Variants in YES1 observed in about 807,000 individuals in gnomAD.
YES1 encodes YES proto-oncogene 1, Src family tyrosine kinase.
Under a neutral mutation model 70.4 loss-of-function variants are expected in YES1, and 39 were observed. The observed-to-expected ratio is 0.55, with a 90% CI of 0.43 to 0.72. The LOEUF is 0.72. YES1 is among the 30% of genes least tolerant of loss of function. YES1 has a pLI of 0.00. For synonymous variants in YES1, 198 were observed against 218.6 expected (o/e 0.91, Z 0.83); for missense variants, 495 against 644.8 (o/e 0.77, Z 2.52).
At chr18:810,850 A>G (rs1277346342) in intron 1 of YES1, among the ~76,000 whole-genome samples, 1 of 152,172 alleles carries the variant, frequency 6.6e-6, no homozygotes, top group African/African-American at 2.4e-5. Context: ...ACAATATATG[A>G]ACATCGTAAG....
chr18:789,812 C>G (rs1176432301), intron 1 of YES1, among the ~76,000 whole-genome samples: 1 of 152,034 alleles, frequency 6.6e-6, no homozygotes, highest in Admixed American at 6.6e-5. Context: ...GTAATCCCAG[C>G]ACTTTGGGAG....
intron 11 of YES1, among the ~76,000 whole-genome samples, chr18:727,219 A>G (rs1263970332): frequency 2.0e-5 from 3 of 152,096 alleles, no homozygotes; most frequent in Non-Finnish European, 4.4e-5. Context: ...CCCTTTTATT[A>G]TTATGAAACG....
At chr18:765,247 A>AATATAT (rs1568204656) in intron 1 of YES1, among the ~76,000 whole-genome samples, 46 of 62,390 alleles carry the variant, frequency 7.4e-4, no homozygotes, top group African/African-American at 2.5e-3. Flanking sequence ...AAGAGTTACA[A>AATATAT]CTATATATAT....
At chr18:749,263 G>A (rs1174854670) in intron 3 of YES1, among the ~76,000 whole-genome samples, 2 of 152,044 alleles carry the variant, frequency 1.3e-5, no homozygotes, top group Admixed American at 6.5e-5. Context: ...GGAGGCCGGG[G>A]TGGGCAGATT....
intron 1 of YES1, among the ~76,000 whole-genome samples, chr18:784,092 T>C (rs944729382): frequency 5.3e-5 from 8 of 152,220 alleles, no homozygotes; most frequent in Admixed American, 3.3e-4. Flanking sequence ...CATGTTGTCA[T>C]ACATATGGCC....
At chr18:732,437 A>T (rs1033793588) in intron 11 of YES1, among the ~76,000 whole-genome samples, 22 of 126,434 alleles carry the variant, frequency 1.7e-4, no homozygotes, top group Non-Finnish European at 5.1e-5. Context: ...ACTGTGTTTA[A>T]AAAAAAAAAA....
intron 1 of YES1, among the ~76,000 whole-genome samples, chr18:790,531 A>G (rs1460361342): frequency 6.6e-6 from 1 of 152,248 alleles, no homozygotes; most frequent in Non-Finnish European, 1.5e-5. Flanking sequence ...AATGAAACAG[A>G]TAAATCACTA....
At chr18:801,732 AAT>A (rs1033623801) in intron 1 of YES1, among the ~76,000 whole-genome samples, 1 of 152,166 alleles carries the variant, frequency 6.6e-6, no homozygotes, top group Non-Finnish European at 1.5e-5. Flanking sequence ...AGAGAGAGAG[AAT>A]ATATAGACTT....
chr18:744,120 T>C (rs2080250026), intron 6 of YES1, among the ~76,000 whole-genome samples: 1 of 151,544 alleles, frequency 6.6e-6, no homozygotes, highest in African/African-American at 2.4e-5. Context: ...TCCACTATTG[T>C]GCTAAATTAG....
intron 1 of YES1, among the ~76,000 whole-genome samples, chr18:811,859 G>T (rs1185121435): frequency 1.3e-5 from 2 of 152,110 alleles, no homozygotes; most frequent in Non-Finnish European, 2.9e-5. Flanking sequence ...GGAACCTCAG[G>T]TCGGACTTGG....
At chr18:804,554 G>A (rs1398103523) in intron 1 of YES1, among the ~76,000 whole-genome samples, 1 of 142,120 alleles carries the variant, frequency 7.0e-6, no homozygotes, top group Non-Finnish European at 1.5e-5. Context: ...AGGTTGCAGT[G>A]AGCCGAGATT....
intron 1 of YES1, among the ~76,000 whole-genome samples, chr18:779,345 G>A (rs547713764): frequency 2.6e-5 from 4 of 151,302 alleles, no homozygotes; most frequent in Non-Finnish European, 4.4e-5. Flanking sequence ...TCAAGGCTGC[G>A]GTAAGTTATG....
At chr18:758,188 C>T (rs1025024991) in intron 1 of YES1, among the ~76,000 whole-genome samples, 6 of 151,938 alleles carry the variant, frequency 3.9e-5, no homozygotes, top group Admixed American at 6.6e-5. Context: ...AACATGTAAC[C>T]GATATAAACA....
chr18:769,254 G>A (rs1015216071), intron 1 of YES1, among the ~76,000 whole-genome samples: 1 of 152,212 alleles, frequency 6.6e-6, no homozygotes, highest in Admixed American at 6.5e-5. Flanking sequence ...GCGACCGTAA[G>A]TAAATCTGTA....
At chr18:781,910 A>G (rs963331129) in intron 1 of YES1, among the ~76,000 whole-genome samples, 3 of 152,194 alleles carry the variant, frequency 2.0e-5, no homozygotes, top group African/African-American at 7.2e-5. Flanking sequence ...ATCTGACTAG[A>G]GGTAGCTTAA....
chr18:764,395 T>C (rs1388905199), intron 1 of YES1, among the ~76,000 whole-genome samples: 1 of 152,092 alleles, frequency 6.6e-6, no homozygotes, highest in African/African-American at 2.4e-5. Flanking sequence ...GCTAATTTTG[T>C]ATTTTTAGTA....
chr18:753,832 A>C (rs2080373568), intron 2 of YES1, among the ~76,000 whole-genome samples: 1 of 152,122 alleles, frequency 6.6e-6, no homozygotes, highest in South Asian at 2.1e-4. Flanking sequence ...TTTATTACAA[A>C]ACAAAGCTCT....
At chr18:732,435 T>TAAAAAAAA (rs11460599) in intron 11 of YES1, among the ~76,000 whole-genome samples, 7 of 90,472 alleles carry the variant, frequency 7.7e-5, no homozygotes, top group Non-Finnish European at 1.0e-4. Flanking sequence ...AGACTGTGTT[T>TAAAAAAAA]AAAAAAAAAA....
chr18:808,680 TA>T (rs1288032425), intron 1 of YES1, among the ~76,000 whole-genome samples: 2 of 152,164 alleles, frequency 1.3e-5, no homozygotes, highest in Non-Finnish European at 1.5e-5. Context: ...TCCTGTGATA[TA>T]AAAATTTGGC....
Sources: gnomAD v4.1 joint callset for allele counts (sites outside exome capture counted in the v4.1 genomes callset) on GRCh38, gnomAD v4.1.1 for gene constraint, MANE v1.5 for transcripts, NCBI Gene and HGNC (gene_info 2026-07-23, HGNC 2026-07-21) for gene names.